HDAC8: variants seen among roughly 807,000 people sequenced by gnomAD.
HDAC8 encodes histone deacetylase 8, also known as histone deacetylase-like 1.
In HDAC8, 1 loss-of-function variant was observed where a neutral mutation model predicts 32.2. The ratio of observed to expected loss-of-function variants is 0.03; its 90% confidence interval spans 0.01 to 0.15. HDAC8 has a LOEUF of 0.15. Ranked by LOEUF, HDAC8 falls within the 10% of genes least tolerant of loss-of-function variation. HDAC8 has a pLI of 1.00. For missense variants in HDAC8, 117 were observed against 300.0 expected (o/e 0.39, Z 4.51); for synonymous variants, 108 against 113.9 (o/e 0.95, Z 0.33).
intron 9 of HDAC8, among the ~76,000 whole-genome samples, chrX:72,460,483 G>A (rs1255098648): frequency 9.0e-6 from 1 of 111,523 alleles, no homozygotes; most frequent in East Asian, 2.8e-4. Context: ...AGGGAACTAC[G>A]TGTTAGGCAC....
chrX:72,522,769 T>C (rs2050022646), intron 4 of HDAC8, among the ~76,000 whole-genome samples: 1 of 112,471 alleles, frequency 8.9e-6, no homozygotes, highest in African/African-American at 3.2e-5. Flanking sequence ...CAGTAAAAAA[T>C]ATTCAACCTT....
intron 4 of HDAC8, among the ~76,000 whole-genome samples, chrX:72,501,462 G>T (rs1438843259): frequency 9.0e-6 from 1 of 111,020 alleles, no homozygotes; most frequent in Non-Finnish European, 1.9e-5. Flanking sequence ...CCAGAAATAA[G>T]GCTGCACACC....
chrX:72,353,015 G>A (rs782773806), intron 9 of HDAC8, among the ~76,000 whole-genome samples: 1 of 112,154 alleles, frequency 8.9e-6, no homozygotes, highest in South Asian at 3.8e-4. Context: ...AGTAAACCAG[G>A]GAAATTCAAA....
chrX:72,349,174 C>A (rs1288423030), intron 10 of HDAC8, among the ~76,000 whole-genome samples: 2 of 112,530 alleles, frequency 1.8e-5, no homozygotes, highest in Non-Finnish European at 3.8e-5. Flanking sequence ...ATGCCCTTTG[C>A]ACTGTGACAG....
chrX:72,515,285 C>T (rs868914727), intron 4 of HDAC8, among the ~76,000 whole-genome samples: 36 of 111,101 alleles, frequency 3.2e-4, no homozygotes, highest in African/African-American at 1.1e-3. Context: ...AGTGAAATCA[C>T]GTGGTACTGA....
At chrX:72,450,820 G>A (rs1260863763) in intron 9 of HDAC8, among the ~76,000 whole-genome samples, 1 of 110,796 alleles carries the variant, frequency 9.0e-6, no homozygotes, top group Non-Finnish European at 1.9e-5. Flanking sequence ...ACAGGAAAGG[G>A]AGAATAAGTT....
At chrX:72,499,935 T>G (rs2049152255) in intron 4 of HDAC8, among the ~76,000 whole-genome samples, 1 of 110,895 alleles carries the variant, frequency 9.0e-6, no homozygotes, top group African/African-American at 3.3e-5. Flanking sequence ...CAATTAGAAA[T>G]GATGAAGGGA....
rs782661992 is a variant in HDAC8, at chrX:72,528,097, C to T, written c.438-32829G>A. On this transcript the variant is annotated intron_variant, in intron 4 of 10. Coordinates refer to ENST00000373573, the MANE Select transcript of HDAC8 (RefSeq NM_018486.3). ...GGCCCACCTTTCTGTCCTCTTAGCC[C>T]TAGGTACAGCTGGTTGGTCTCTACC... 5.2e-4 allele frequency among the ~76,000 whole-genome samples: 58 copies of T among 110,893 alleles called. No homozygotes were observed. In the East Asian group the frequency reaches 0.016, roughly 30 times the overall value.
chrX:72,351,873 A>T (rs782687720), intron 9 of HDAC8, 35 bp from the exon 10 acceptor site: 90 of 1,039,905 alleles, frequency 8.7e-5, no homozygotes, highest in Non-Finnish European at 1.2e-4. Flanking sequence ...AAAACAAATT[A>T]AGCCACATAA....
intron 5 of HDAC8, 43 bp from the exon 6 acceptor site, chrX:72,491,049 C>A (rs781897921): frequency 1.1e-6 from 1 of 943,938 alleles, no homozygotes. Context: ...TCACATATGG[C>A]ATTCCTATTT....
chrX:72,469,149 G>GTTT (rs60517532), intron 7 of HDAC8, among the ~76,000 whole-genome samples: 2 of 105,412 alleles, frequency 1.9e-5, no homozygotes, highest in Non-Finnish European at 3.9e-5. Context: ...CTATTCCCTA[G>GTTT]TTTTTTTTTT....
Position 72,374,652 on chromosome X carries a change from AT to A in HDAC8, c.1006-22815del, listed in dbSNP as rs782428515. Among the ~76,000 whole-genome samples, 4 of 109,742 alleles carry A rather than the reference AT, an allele frequency of 3.6e-5. No individual in the cohort carries two copies. The East Asian group carries it at 1.2e-3, about 32-fold the overall frequency. On this transcript the variant is annotated intron_variant, in intron 9 of 10. Coordinates refer to ENST00000373573, the MANE Select transcript of HDAC8 (RefSeq NM_018486.3). ...ACGTCATTGCACTACAGCCTGGGTG[AT>A]GGGAGTGAAACCCTGTCTCAAAAAA...
intron 7 of HDAC8, among the ~76,000 whole-genome samples, chrX:72,469,964 C>A (rs782057968): frequency 2.5e-4 from 28 of 110,209 alleles, no homozygotes; most frequent in Admixed American, 5.8e-4. Flanking sequence ...GCCTGGCCAA[C>A]ATGATGAAAC....
intron 3 of HDAC8, among the ~76,000 whole-genome samples, chrX:72,568,375 C>T (rs1291951865): frequency 1.8e-5 from 2 of 111,756 alleles, no homozygotes; most frequent in African/African-American, 6.5e-5. Context: ...CTAGACTATC[C>T]TGCAGGTCAC....
chrX:72,531,306 C>G (rs1192314853), intron 4 of HDAC8, among the ~76,000 whole-genome samples: 1 of 111,949 alleles, frequency 8.9e-6, no homozygotes, highest in African/African-American at 3.2e-5. Flanking sequence ...AGAAGAAAAA[C>G]TGATCAGAAT....
intron 4 of HDAC8, among the ~76,000 whole-genome samples, chrX:72,537,117 A>G (rs1556039876): frequency 3.6e-5 from 4 of 112,237 alleles, no homozygotes; most frequent in African/African-American, 1.3e-4. Flanking sequence ...TGGTTTGTAC[A>G]AGGACTAAAA....
intron 9 of HDAC8, among the ~76,000 whole-genome samples, chrX:72,422,941 T>C (rs1360985488): frequency 9.0e-6 from 1 of 111,682 alleles, no homozygotes; most frequent in Non-Finnish European, 1.9e-5. Context: ...CTGTCTTCAA[T>C]ACTGTTGCTG....
At chrX:72,337,438 T>C (rs1325435739) in intron 10 of HDAC8, among the ~76,000 whole-genome samples, 1 of 111,958 alleles carries the variant, frequency 8.9e-6, no homozygotes, top group Non-Finnish European at 1.9e-5. Flanking sequence ...TGCTTTTTTT[T>C]TCCTTCATGA....
intron 4 of HDAC8, among the ~76,000 whole-genome samples, chrX:72,522,846 C>A (rs1301291518): frequency 8.9e-6 from 1 of 112,143 alleles, no homozygotes. Context: ...ACACTATTTG[C>A]TAGGAAGCAA....
Sources: gnomAD v4.1 joint callset for allele counts (sites outside exome capture counted in the v4.1 genomes callset) on GRCh38, gnomAD v4.1.1 for gene constraint, MANE v1.5 for transcripts, NCBI Gene and HGNC (gene_info 2026-07-23, HGNC 2026-07-21) for gene names.